WDR33: variants seen among roughly 807,000 people sequenced by gnomAD.
WDR33 encodes the protein pre-mRNA 3' end processing protein WDR33.
Under a neutral mutation model 164.9 loss-of-function variants are expected in WDR33, and 47 were observed. The observed-to-expected ratio is 0.29, with a 90% CI of 0.23 to 0.36. The LOEUF (loss-of-function observed/expected upper bound fraction) is 0.36. Ranked by LOEUF, WDR33 falls within the 10% of genes least tolerant of loss-of-function variation. WDR33 has a pLI of 1.00. For synonymous variants in WDR33, 505 were observed against 589.0 expected, an observed-to-expected ratio of 0.86 and a Z score of 2.06; for missense variants, 1,137 against 1,754.1, an observed-to-expected ratio of 0.65 and a Z score of 6.28.
At chr2:127,742,597 A>T (rs960090002) in intron 7 of WDR33, among the ~76,000 whole-genome samples, 5 of 151,740 alleles carry the variant, frequency 3.3e-5, no homozygotes, top group Non-Finnish European at 7.4e-5. Context: ...TTGAAAAGTA[A>T]ATCAGTATTC....
intron 1 of WDR33, among the ~76,000 whole-genome samples, chr2:127,790,193 A>G (rs1230706583): frequency 2.0e-5 from 3 of 152,168 alleles, no homozygotes; most frequent in Non-Finnish European, 4.4e-5. Context: ...TCTCCATCTA[A>G]AGAGATGATC....
chr2:127,707,571 C>T (rs1305170118), intron 21 of WDR33, among the ~76,000 whole-genome samples: 6 of 152,116 alleles, frequency 3.9e-5, no homozygotes, highest in African/African-American at 1.2e-4. Flanking sequence ...GCTGAGTGCC[C>T]AAGAAAGTCA....
rs1687782735 is a variant in WDR33, at chr2:127,765,031, G to A, written c.475-52C>T. ...TAAGGTGCTGCTTCAAAGAATATAT[G>A]ACTAAAGGCTTACAAGAGCATATAA... On this transcript the variant is annotated intron_variant, in intron 5 of 21. Coordinates refer to ENST00000322313, the MANE Select transcript of WDR33 (RefSeq NM_018383.5). The A allele has an allele frequency of 2.5e-6, 4 of 1,594,816 alleles. No homozygotes were observed. The East Asian group carries it at 8.9e-5, about 36-fold the overall frequency.
At chr2:127,794,840 AAAAAAAAAAAAAG>A (rs1286783691) in intron 1 of WDR33, among the ~76,000 whole-genome samples, 5 of 144,796 alleles carry the variant, frequency 3.5e-5, no homozygotes, top group African/African-American at 1.1e-4. Context: ...TTTCAAAAAA[AAAAAAAAAAAAAG>A]AAAGAAAGAA....
rs1309830917 is a variant in WDR33 at position 127,711,766 on chromosome 2, A to ATTTTT, written c.3308+1816_3308+1817insAAAAA. The stretch of plus-strand genomic sequence containing the variant: ...CACATATACAGATATATATATATAT[A>ATTTTT]TATATATATATATATTTTTTTTTTG... On this transcript the variant is annotated intron_variant, in intron 18 of 21. Coordinates refer to ENST00000322313, the MANE Select transcript of WDR33 (RefSeq NM_018383.5). Among the ~76,000 whole-genome samples the ATTTTT allele has an allele frequency of 1.2e-4, 9 of 72,600 alleles. 1 individual carries two copies. The highest frequency in any genetic ancestry group is 0.01 in the Middle Eastern group (1 of 98). 47.6% of individuals were successfully genotyped at this position (72,600 alleles called of 152,430 possible).
intron 1 of WDR33, among the ~76,000 whole-genome samples, chr2:127,790,146 T>G (rs1688794262): frequency 6.6e-6 from 1 of 152,090 alleles, no homozygotes; most frequent in Non-Finnish European, 1.5e-5. Context: ...CTGTAAAAAT[T>G]ATCATGAAAG....
At chr2:127,769,800 A>C (rs74381902) in intron 2 of WDR33, among the ~76,000 whole-genome samples, 2,179 of 152,288 alleles carry the variant, frequency 0.014, 66 homozygotes, top group African/African-American at 0.051. Flanking sequence ...GTAATGAAAA[A>C]CAGACAAATT....
At chr2:127,793,761 A>ATTTT (rs1688924516) in intron 1 of WDR33, among the ~76,000 whole-genome samples, 1 of 151,742 alleles carries the variant, frequency 6.6e-6, no homozygotes, top group Non-Finnish European at 1.5e-5. Context: ...AAACAAACAA[A>ATTTT]AAGACTCAAT....
At position 127,763,857 on chromosome 2, in the gene WDR33, C is replaced by A; in HGVS notation, c.627-698G>T. The A allele has an allele frequency of 2.0e-6, 2 of 985,590 alleles. No homozygotes were observed. The highest frequency in any genetic ancestry group is 2.4e-6 in the Non-Finnish European group (2 of 830,084). 61.1% of individuals were successfully genotyped at this position (985,590 alleles called of 1,614,324 possible). ...AACTAACTCTAAAAACTCCCTTGAA[C>A]TTTGGAATCCTATGAAGGACCAGCT... is the stretch of plus-strand genomic sequence containing the variant. On this transcript the variant is annotated intron_variant, in intron 6 of 21. Coordinates refer to ENST00000322313, the MANE Select transcript of WDR33 (RefSeq NM_018383.5). This position sits in a 1 kb window ranked among gnomAD's most constrained non-coding sequence, Gnocchi z 4.5.
intron 1 of WDR33, among the ~76,000 whole-genome samples, chr2:127,787,486 G>A (rs866048112): frequency 1.5e-5 from 2 of 137,316 alleles, no homozygotes; most frequent in Non-Finnish European, 1.6e-5. Flanking sequence ...CGGGCGGGGG[G>A]CTGACCCCCC....
chr2:127,792,954 G>C (rs1328849495), intron 1 of WDR33, among the ~76,000 whole-genome samples: 1 of 152,114 alleles, frequency 6.6e-6, no homozygotes, highest in Non-Finnish European at 1.5e-5. Flanking sequence ...CACTCATAGA[G>C]AGATACGTCA....
At chr2:127,749,950 AG>A (rs1573913013) in intron 7 of WDR33, among the ~76,000 whole-genome samples, 1 of 150,450 alleles carries the variant, frequency 6.6e-6, no homozygotes, top group East Asian at 2.0e-4. Context: ...ATTCTCTCAC[AG>A]GCTGTAATTT....
chr2:127,801,419 T>C (rs1395585081), intron 1 of WDR33, among the ~76,000 whole-genome samples: 1 of 151,730 alleles, frequency 6.6e-6, no homozygotes, highest in Non-Finnish European at 1.5e-5. Context: ...CCTAGCACTT[T>C]GGGAGGCCAT....
chr2:127,740,199 G>A (rs919043463), intron 7 of WDR33, among the ~76,000 whole-genome samples: 2 of 152,178 alleles, frequency 1.3e-5, no homozygotes, highest in African/African-American at 4.8e-5. Flanking sequence ...TGGTGTGAAT[G>A]TCTGATGGTT....
chr2:127,713,809 G>A lies in WDR33; in HGVS notation c.3082C>T (p.Arg1028Trp), dbSNP rs1426907967. 5.6e-6 allele frequency: 9 copies of A among 1,614,100 alleles called. No individual in the cohort carries two copies. The highest frequency in any genetic ancestry group is 2.2e-5 in the South Asian group (2 of 91,090). Residue 1028 changes from arginine to tryptophan, a missense_variant, in exon 18 of 22, where the codon CGG becomes TGG. Arg to Trp is a moderately radical substitution (Grantham distance 101). Around this residue, in one of 9 missense-constraint regions of WDR33, gnomAD observed 867 missense variants for 1,073.0 expected, o/e 0.81. Coordinates refer to ENST00000322313, the MANE Select transcript of WDR33 (RefSeq NM_018383.5). This position sits in a 1 kb window ranked among gnomAD's most constrained non-coding sequence, Gnocchi z 6.2. Reference protein sequence around the residue: ...DFHPDKRFGHRLREFEGRGGP... With the variant: ...DFHPDKRFGHWLREFEGRGGP... ...CCTCGCCCCTCAAATTCACGTAACC[G>A]GTGGCCAAAGCGCTTGTCAGGGTGG...
chr2:127,780,945 T>G (rs13391442), intron 1 of WDR33, among the ~76,000 whole-genome samples: 3,240 of 152,188 alleles, frequency 0.021, 126 homozygotes, highest in African/African-American at 0.075. Context: ...ACTACAACCT[T>G]CATCTCACAG....
Position 127,724,536 on chromosome 2 carries a change from T to G in WDR33, c.1086-93A>C. ...AAGACATTTTCTGTTACTCTTAAAATGAAGCTACCAAAGCCTGGACTTGGA... is the reference window on the plus strand; with the variant it reads ...AAGACATTTTCTGTTACTCTTAAAAGGAAGCTACCAAAGCCTGGACTTGGA... On this transcript the variant is annotated intron_variant, in intron 10 of 21. Transcript: ENST00000322313. The surrounding 1 kb of genome is among the most constrained non-coding windows in gnomAD (Gnocchi z 4.8). 2.7e-6 allele frequency: 3 copies of G among 1,126,348 alleles called. No individual in the cohort carries two copies. The highest frequency in any genetic ancestry group is 3.9e-6 in the Non-Finnish European group (3 of 760,278). The allele number at this position is 1,126,348 out of a possible 1,614,324, so 69.8% of individuals were successfully genotyped here.
intron 4 of WDR33, 31 bp from the exon 5 acceptor site, chr2:127,765,300 C>T: frequency 6.6e-7 from 1 of 1,513,836 alleles, no homozygotes; most frequent in South Asian, 1.2e-5. Context: ...GGTTATACAT[C>T]CTCCAACTTC....
chr2:127,807,440 A>G (rs538975136), intron 1 of WDR33, among the ~76,000 whole-genome samples: 1 of 152,334 alleles, frequency 6.6e-6, no homozygotes, highest in Admixed American at 6.5e-5. Flanking sequence ...TGCCTAAAGC[A>G]CAGTTTTGCA....
Sources: gnomAD v4.1 joint callset for allele counts (sites outside exome capture counted in the v4.1 genomes callset) on GRCh38, gnomAD v4.1.1 for gene constraint, gnomAD v4.1.1 regional missense constraint, Gnocchi (gnomAD v3.1) non-coding constraint, MANE v1.5 for transcripts, NCBI Gene and HGNC (gene_info 2026-07-23, HGNC 2026-07-21) for gene names.